LHFPL4: variants seen among roughly 807,000 people sequenced by gnomAD.
LHFPL4 encodes LHFPL tetraspan subfamily member 4, also known as LHFPL tetraspan subfamily member 4 protein.
A neutral mutation model predicts 20.0 loss-of-function variants in LHFPL4; 6 were observed. The ratio of observed to expected loss-of-function variants is 0.30; its 90% confidence interval spans 0.16 to 0.59. The LOEUF (loss-of-function observed/expected upper bound fraction) is 0.59. LHFPL4 is among the 20% of genes least tolerant of loss of function. LHFPL4 has a pLI of 0.88. For synonymous variants in LHFPL4, 129 were observed against 143.8 expected (o/e 0.90, Z 0.74); for missense variants, 215 against 331.2 (o/e 0.65, Z 2.72).
At chr3:9,511,347 T>C (rs2046259872) in intron 2 of LHFPL4, among the ~76,000 whole-genome samples, 1 of 145,344 alleles carries the variant, frequency 6.9e-6, no homozygotes, top group East Asian at 2.0e-4. Flanking sequence ...CTAGACTCCA[T>C]CTCAAAAAAA....
At chr3:9,511,708 G>A (rs534391803) in intron 2 of LHFPL4, among the ~76,000 whole-genome samples, 2 of 152,290 alleles carry the variant, frequency 1.3e-5, no homozygotes, top group Non-Finnish European at 2.9e-5. Flanking sequence ...CCTGAGGGCC[G>A]ATTTCTCTTT....
In LHFPL4 at chr3:9,502,085, C is replaced by G. The variant is rs1162450573; in HGVS notation, c.*126G>C. 2.8e-6 allele frequency: 2 copies of G among 717,990 alleles called. No individual in the cohort carries two copies. The highest frequency in any genetic ancestry group is 4.4e-5 in the Admixed American group (2 of 45,508). 44.5% of individuals were successfully genotyped at this position (717,990 alleles called of 1,614,324 possible). On this transcript the variant is annotated 3_prime_UTR_variant, in exon 4 of 4. Transcript: ENST00000287585. ...TCCTCTCCTCAAAGCCTGGAGCTTG[C>G]AGGGTAGTCGGTGAGAAGTAAGTCT... is the stretch of plus-strand genomic sequence containing the variant.
chr3:9,547,275 C>T (rs1267553515), intron 2 of LHFPL4, among the ~76,000 whole-genome samples: 1 of 152,224 alleles, frequency 6.6e-6, no homozygotes, highest in East Asian at 1.9e-4. Context: ...AGGCCTGGGC[C>T]ACTGTGCCTG....
rs2046339544 is a variant in LHFPL4, at chr3:9,521,793, T to A, written c.407-15590A>T. The stretch of plus-strand genomic sequence containing the variant: ...ATGTGTCTTTATATTTAAGTGGGTT[T>A]CTTAAAAGACAACATATAACTGAGT... On this transcript the variant is annotated intron_variant, in intron 2 of 3. Coordinates refer to ENST00000287585, the MANE Select transcript of LHFPL4 (RefSeq NM_198560.3). 3.3e-5 allele frequency among the ~76,000 whole-genome samples: 5 copies of A among 152,172 alleles called. No individual in the cohort carries two copies. In the South Asian group the frequency reaches 1.0e-3, roughly 32 times the overall value.
chr3:9,535,303 T>C (rs1219987607), intron 2 of LHFPL4, among the ~76,000 whole-genome samples: 1 of 152,210 alleles, frequency 6.6e-6, no homozygotes, highest in Non-Finnish European at 1.5e-5. Context: ...TCTCTACAAC[T>C]CTATGGAATA....
chr3:9,526,559 T>A (rs1474115776), intron 2 of LHFPL4, among the ~76,000 whole-genome samples: 1 of 152,208 alleles, frequency 6.6e-6, no homozygotes, highest in Non-Finnish European at 1.5e-5. Context: ...TGATGGTGAA[T>A]GTAATGAGTT....
At chr3:9,553,092 A>C (rs1413865633) in intron 1 of LHFPL4, among the ~76,000 whole-genome samples, 2 of 151,262 alleles carry the variant, frequency 1.3e-5, no homozygotes, top group African/African-American at 2.4e-5. Flanking sequence ...TGGAGGCTGG[A>C]GACTGGTGTT....
intron 2 of LHFPL4, among the ~76,000 whole-genome samples, chr3:9,518,525 C>T (rs1393715322): frequency 6.6e-6 from 1 of 152,104 alleles, no homozygotes; most frequent in Non-Finnish European, 1.5e-5. Flanking sequence ...CACCAGTGAA[C>T]CCATCAGGGC....
In LHFPL4 at chr3:9,502,253, C is replaced by G; in HGVS notation, c.702G>C (p.Trp234Cys). 1 of 1,614,020 alleles carries G rather than the reference C, an allele frequency of 6.2e-7. No homozygotes were observed. Among genetic ancestry groups the G allele is most frequent in the Non-Finnish European group, 8.5e-7 (1 of 1,179,972 alleles). Residue 234 changes from tryptophan (W) to cysteine (C), a missense_variant, in exon 4 of 4, where the codon TGG becomes TGC. Coordinates refer to ENST00000287585, the MANE Select transcript of LHFPL4 (RefSeq NM_198560.3). ...GAGCCACGGGGCAGGGAAGGACTCCCCATCCAGAGACATCACCCCCGGGCC... is the reference window on the plus strand; with the variant it reads ...GAGCCACGGGGCAGGGAAGGACTCCGCATCCAGAGACATCACCCCCGGGCC... ...VLRPGGDVSG[W>C]GVLPCPVAHS...
chr3:9,523,326 A>C (rs1417585296), intron 2 of LHFPL4, among the ~76,000 whole-genome samples: 1 of 150,804 alleles, frequency 6.6e-6, no homozygotes, highest in African/African-American at 2.4e-5. Context: ...GGTTGCAGTG[A>C]GTGGAGATCG....
At chr3:9,547,411 A>G (rs1348631058) in intron 2 of LHFPL4, among the ~76,000 whole-genome samples, 1 of 152,210 alleles carries the variant, frequency 6.6e-6, no homozygotes, top group Non-Finnish European at 1.5e-5. Context: ...CACCGGGCCC[A>G]CAGGTAACAT....
chr3:9,505,451 T>G (rs1461637443), intron 3 of LHFPL4, among the ~76,000 whole-genome samples: 1 of 151,472 alleles, frequency 6.6e-6, no homozygotes, highest in Non-Finnish European at 1.5e-5. Context: ...TGTTTTTTTT[T>G]GTTTTTTTGT....
intron 2 of LHFPL4, among the ~76,000 whole-genome samples, chr3:9,521,819 CTT>C (rs1313121117): frequency 6.6e-6 from 1 of 151,918 alleles, no homozygotes; most frequent in Non-Finnish European, 1.5e-5. Context: ...ATAACTGAGT[CTT>C]TTTTTAAAAT....
At chr3:9,516,349 C>T (rs2046301291) in intron 2 of LHFPL4, among the ~76,000 whole-genome samples, 1 of 151,996 alleles carries the variant, frequency 6.6e-6, no homozygotes, top group East Asian at 1.9e-4. Flanking sequence ...CATCTCTTCC[C>T]CATTGTGTTG....
intron 2 of LHFPL4, 119 bp downstream of exon 2, chr3:9,552,155 G>A: frequency 3.7e-6 from 5 of 1,340,740 alleles, no homozygotes; most frequent in Non-Finnish European, 5.1e-6. Flanking sequence ...CAGCCAAAGA[G>A]GTGAGTGTCT....
intron 3 of LHFPL4, among the ~76,000 whole-genome samples, chr3:9,505,486 C>G (rs1463909409): frequency 6.6e-6 from 1 of 151,872 alleles, no homozygotes. Context: ...GACAGAGTCT[C>G]GCTGTCTCCC....
intron 2 of LHFPL4, among the ~76,000 whole-genome samples, chr3:9,513,988 G>C (rs1396958616): frequency 6.6e-6 from 1 of 152,136 alleles, no homozygotes; most frequent in Non-Finnish European, 1.5e-5. Flanking sequence ...AAGGGTGTTC[G>C]CTGCACCACC....
intron 2 of LHFPL4, among the ~76,000 whole-genome samples, chr3:9,542,516 C>T (rs905871780): frequency 6.6e-6 from 1 of 152,024 alleles, no homozygotes; most frequent in African/African-American, 2.4e-5. Context: ...TCACAAAAGA[C>T]TATATAGTGC....
chr3:9,538,948 C>A (rs2542393), intron 2 of LHFPL4, among the ~76,000 whole-genome samples: 6,282 of 152,034 alleles, frequency 0.041, 161 homozygotes, highest in Non-Finnish European at 0.059. Context: ...GATCTGCCCA[C>A]CTTGGCCTCT....
Sources: gnomAD v4.1 joint callset for allele counts (sites outside exome capture counted in the v4.1 genomes callset) on GRCh38, gnomAD v4.1.1 for gene constraint, MANE v1.5 for transcripts, NCBI Gene and HGNC (gene_info 2026-07-23, HGNC 2026-07-21) for gene names.